DCLRE1C: variants seen among roughly 807,000 people sequenced by gnomAD.
DCLRE1C encodes protein artemis.
In DCLRE1C, 47 loss-of-function variants were observed where a neutral mutation model predicts 61.4. The ratio of observed to expected loss-of-function variants is 0.77; its 90% confidence interval spans 0.61 to 0.98. DCLRE1C has a LOEUF of 0.98. Ranked by LOEUF, DCLRE1C falls within the 50% of genes least tolerant of loss-of-function variation. The pLI is 0.00. For synonymous variants in DCLRE1C, 337 were observed against 287.6 expected (o/e 1.17, Z -1.74); for missense variants, 858 against 816.0 (o/e 1.05, Z -0.63).
At chr10:14,939,781 A>C (rs41296992) in intron 4 of DCLRE1C, 29 bp downstream of exon 4, 13 of 1,555,524 alleles carry the variant, frequency 8.4e-6, no homozygotes, top group East Asian at 2.3e-5. Context: ...ACATTTTTTT[A>C]AAAAAATCAA....
chr10:14,919,745 T>C lies in DCLRE1C; in HGVS notation c.1149A>G (p.Arg383=), dbSNP rs1159251400. Residue 383 remains arginine (R), a synonymous_variant, in exon 13 of 14, where the codon CGA becomes CGG. Coordinates refer to ENST00000378278, the MANE Select transcript of DCLRE1C (RefSeq NM_001033855.3). ...CAGGACCATTTTTCTTACCTGAGTC[T>C]CGGTGAACTGTTCTAGCTCTCTTCA... ...GKLKRARTVH[R]DSEEEDDYLF... 2 of 1,613,306 alleles carry C rather than the reference T, an allele frequency of 1.2e-6. No individual in the cohort carries two copies. Among genetic ancestry groups the C allele is most frequent in the Admixed American group, 1.7e-5 (1 of 60,004 alleles).
chr10:14,915,309 C>T (rs567566017), intron 13 of DCLRE1C, among the ~76,000 whole-genome samples: 6 of 151,344 alleles, frequency 4.0e-5, no homozygotes, highest in Middle Eastern at 3.4e-3. Flanking sequence ...AAAACTACCC[C>T]GTGCCAAAAA....
At chr10:14,949,769 A>G (rs1025110543) in intron 1 of DCLRE1C, among the ~76,000 whole-genome samples, 1 of 152,230 alleles carries the variant, frequency 6.6e-6, no homozygotes, top group African/African-American at 2.4e-5. Flanking sequence ...AACCAGTTGG[A>G]CATGGTGGCT....
chr10:14,928,087 G>C lies in DCLRE1C; in HGVS notation c.846C>G (p.Leu282=), dbSNP rs1279137505. 3 of 1,613,474 alleles carry C rather than the reference G, an allele frequency of 1.9e-6. No individual in the cohort carries two copies. Among genetic ancestry groups the C allele is most frequent in the South Asian group, 1.1e-5 (1 of 91,064 alleles). Residue 282 remains leucine (L), a synonymous_variant, in exon 10 of 14, where the codon CTC becomes CTG. Transcript: ENST00000378278. ...TGGATGGCTTAATGCTGATTATGTG[G>C]AGTGGAATTCTATTTCTGGAAGTAA... is the stretch of plus-strand genomic sequence containing the variant. ...CGITSRNRIP[L]HIISIKPSTM... is the part of the protein sequence containing the mutation.
rs762916677 is a variant in DCLRE1C, at chr10:14,909,050, C to G, written c.1437G>C (p.Leu479=). 8.7e-6 allele frequency: 14 copies of G among 1,614,006 alleles called. No individual in the cohort carries two copies. In the East Asian group the frequency reaches 2.4e-4, roughly 28 times the overall value. The change falls in exon 14 of 14, where the codon CTG becomes CTC. Residue 479 remains leucine, a synonymous_variant. Transcript: ENST00000378278. The part of the protein sequence containing the change: ...LQGDLGSVLH[L]QKADGDVPQW... The stretch of plus-strand genomic sequence containing the variant: ...GGGGTACATCCCCATCAGCCTTTTG[C>G]AGGTGAAGTACAGAGCCCAGATCTC...
chr10:14,925,250 T>TAAAAAAAAAAAAAAA (rs1588999380), intron 11 of DCLRE1C, among the ~76,000 whole-genome samples: 3 of 104,082 alleles, frequency 2.9e-5, no homozygotes, highest in Non-Finnish European at 1.9e-5. Context: ...AAAAAAAAAG[T>TAAAAAAAAAAAAAAA]AAAGTCAAGC....
At chr10:14,939,687 A>G (rs1840552982) in intron 4 of DCLRE1C, 123 bp downstream of exon 4, 13 of 826,216 alleles carry the variant, frequency 1.6e-5, no homozygotes, top group South Asian at 1.5e-4. Context: ...ATTCAAAATC[A>G]AAGAGAAAGA....
At position 14,906,280 on chromosome 10, in the gene DCLRE1C, A is replaced by G. The variant is rs1834385564; in HGVS notation, c.*2128T>C. 6.6e-6 allele frequency among the ~76,000 whole-genome samples: 1 copy of G among 152,234 alleles called. No individual in the cohort carries two copies. Among genetic ancestry groups the G allele is most frequent in the African/African-American group, 2.4e-5 (1 of 41,462 alleles). Reference sequence around the variant, plus strand: ...TAAAGGAGTTCATATAGTCTGTAAAAAACTTAAGAGCATCATCAGAGTAAG... The same window carrying G: ...TAAAGGAGTTCATATAGTCTGTAAAGAACTTAAGAGCATCATCAGAGTAAG... On this transcript the variant is annotated 3_prime_UTR_variant, in exon 14 of 14. Coordinates refer to ENST00000378278, the MANE Select transcript of DCLRE1C (RefSeq NM_001033855.3).
At chr10:14,937,695 A>T (rs1447752559) in intron 4 of DCLRE1C, among the ~76,000 whole-genome samples, 1 of 152,080 alleles carries the variant, frequency 6.6e-6, no homozygotes, top group Non-Finnish European at 1.5e-5. Context: ...GTTTCAGACC[A>T]GTCTGGCCAA....
intron 13 of DCLRE1C, among the ~76,000 whole-genome samples, chr10:14,916,554 G>A (rs1277260676): frequency 2.0e-5 from 3 of 152,186 alleles, no homozygotes; most frequent in African/African-American, 4.8e-5. Flanking sequence ...ATTCAAAGAA[G>A]TCCAAAATCC....
chr10:14,936,302 T>A (rs1219570942), intron 5 of DCLRE1C, among the ~76,000 whole-genome samples: 1 of 149,582 alleles, frequency 6.7e-6, no homozygotes, highest in African/African-American at 2.5e-5. Flanking sequence ...AAAAATCAAA[T>A]CTCCCTCTAT....
rs1834486294 is a variant in DCLRE1C at position 14,907,291 on chromosome 10, A to C, written c.*1117T>G. Among the ~76,000 whole-genome samples the C allele has an allele frequency of 6.6e-6, 1 of 150,588 alleles. No homozygotes were observed. Among genetic ancestry groups the C allele is most frequent in the Non-Finnish European group, 1.5e-5 (1 of 67,826 alleles). On this transcript the variant is annotated 3_prime_UTR_variant, in exon 14 of 14. Coordinates refer to ENST00000378278, the MANE Select transcript of DCLRE1C (RefSeq NM_001033855.3). ...TTTTGTCTATAGCCATCAGTTTATCATACTAGATCCAAGTTTGTCAATTTA... is the reference window on the plus strand; with the variant it reads ...TTTTGTCTATAGCCATCAGTTTATCCTACTAGATCCAAGTTTGTCAATTTA...
intron 3 of DCLRE1C, among the ~76,000 whole-genome samples, chr10:14,943,415 A>C (rs898070061): frequency 3.8e-4 from 58 of 152,114 alleles, no homozygotes; most frequent in African/African-American, 1.4e-3. Flanking sequence ...TGATATTAAA[A>C]ACTGCCACTC....
intron 13 of DCLRE1C, among the ~76,000 whole-genome samples, chr10:14,916,842 A>T (rs1035594633): frequency 3.3e-5 from 5 of 152,330 alleles, no homozygotes; most frequent in Middle Eastern, 3.4e-3. Flanking sequence ...TGCCAAATTG[A>T]TCAACAGATT....
intron 9 of DCLRE1C, 61 bp from the exon 10 acceptor site, chr10:14,928,213 A>G (rs1838348910): frequency 2.6e-6 from 4 of 1,516,364 alleles, no homozygotes; most frequent in East Asian, 2.3e-5. Flanking sequence ...TGTTGTAGGC[A>G]GAGTCTCAAA....
At chr10:14,911,037 A>G (rs1835168885) in intron 13 of DCLRE1C, among the ~76,000 whole-genome samples, 5 of 152,202 alleles carry the variant, frequency 3.3e-5, no homozygotes, top group Admixed American at 2.0e-4. Context: ...GCAGAAGACC[A>G]GAGAGGAGAG....
intron 2 of DCLRE1C, among the ~76,000 whole-genome samples, chr10:14,946,525 C>A (rs1403176069): frequency 2.0e-5 from 3 of 152,084 alleles, no homozygotes; most frequent in African/African-American, 7.2e-5. Context: ...CCATAGAATG[C>A]GGTGGAAGTA....
At chr10:14,914,623 G>A (rs1263963817) in intron 13 of DCLRE1C, among the ~76,000 whole-genome samples, 1 of 152,110 alleles carries the variant, frequency 6.6e-6, no homozygotes, top group Non-Finnish European at 1.5e-5. Flanking sequence ...CACAATTGAT[G>A]GTCCGTAAAT....
Position 14,907,267 on chromosome 10 carries a change from T to A in DCLRE1C, c.*1141A>T, listed in dbSNP as rs910768399. ...CTTTGGGGATAAATAAGGTGCTGAT[T>A]TTGTCTATAGCCATCAGTTTATCAT... On this transcript the variant is annotated 3_prime_UTR_variant, in exon 14 of 14. Coordinates refer to ENST00000378278, the MANE Select transcript of DCLRE1C (RefSeq NM_001033855.3). Among the ~76,000 whole-genome samples, 4 of 150,818 alleles carry A rather than the reference T, an allele frequency of 2.7e-5. No homozygotes were observed. The highest frequency in any genetic ancestry group is 4.9e-5 in the African/African-American group (2 of 40,862).
Sources: allele counts gnomAD v4.1 joint callset (sites outside exome capture counted in the v4.1 genomes callset), GRCh38; gene constraint gnomAD v4.1.1; transcripts MANE v1.5; gene names NCBI Gene and HGNC (gene_info 2026-07-23, HGNC 2026-07-21).